Variants in ARHGAP42 observed in about 807,000 individuals in gnomAD.
ARHGAP42 encodes rho GTPase-activating protein 42.
In ARHGAP42, 63 loss-of-function variants were observed where a neutral mutation model predicts 125.0. The ratio of observed to expected loss-of-function variants is 0.50; its 90% CI spans 0.41 to 0.62. The LOEUF (loss-of-function observed/expected upper bound fraction) is 0.62. Among genes scored for constraint, ARHGAP42 ranks in the 20% least tolerant of loss-of-function variants. The pLI, the probability that ARHGAP42 is intolerant of heterozygous loss-of-function variation, is 0.00. For missense variants in ARHGAP42, 766 were observed against 1,024.2 expected, an observed-to-expected ratio of 0.75 and a Z score of 3.44; for synonymous variants, 339 against 351.0, an observed-to-expected ratio of 0.97 and a Z score of 0.38.
chr11:100,791,851 T>C (rs928831804), intron 2 of ARHGAP42, among the ~76,000 whole-genome samples: 2 of 152,218 alleles, frequency 1.3e-5, no homozygotes, highest in African/African-American at 4.8e-5. Context: ...ATTATCTTAC[T>C]AAATCTATAA....
intron 17 of ARHGAP42, among the ~76,000 whole-genome samples, chr11:100,970,710 C>G (rs373326382): frequency 2.6e-4 from 40 of 152,120 alleles, no homozygotes; most frequent in Admixed American, 5.2e-4. Flanking sequence ...GACTCTACCC[C>G]CTCTGGGTAA....
chr11:100,792,752 CTTT>C, intron 2 of ARHGAP42, among the ~76,000 whole-genome samples: 1 of 141,598 alleles, frequency 7.1e-6, no homozygotes, highest in Admixed American at 6.9e-5. Context: ...TTGGAATTTT[CTTT>C]TTTTTTTTTT....
At chr11:100,849,588 T>C (rs940555835) in intron 3 of ARHGAP42, among the ~76,000 whole-genome samples, 49 of 152,062 alleles carry the variant, frequency 3.2e-4, no homozygotes, top group Non-Finnish European at 5.9e-4. Context: ...TAATTTTTTT[T>C]TTGGTTTTAT....
intron 3 of ARHGAP42, among the ~76,000 whole-genome samples, chr11:100,850,318 A>C (rs1865172996): frequency 6.6e-6 from 1 of 152,236 alleles, no homozygotes; most frequent in East Asian, 1.9e-4. Flanking sequence ...AGATCTATAC[A>C]GGATATCACT....
At chr11:100,810,844 C>T (rs1591200257) in intron 3 of ARHGAP42, among the ~76,000 whole-genome samples, 2 of 152,142 alleles carry the variant, frequency 1.3e-5, no homozygotes, top group South Asian at 4.1e-4. Context: ...AAGTTTTAAG[C>T]TCCTTGAGAC....
chr11:100,688,240 G>C (rs1383688426), intron 1 of ARHGAP42, among the ~76,000 whole-genome samples: 1 of 152,118 alleles, frequency 6.6e-6, no homozygotes, highest in Non-Finnish European at 1.5e-5. Context: ...TAGTGATATT[G>C]AAAGAAAATT....
At chr11:100,891,439 CTTTTTTTTT>C (rs142290529) in intron 4 of ARHGAP42, among the ~76,000 whole-genome samples, 2 of 104,972 alleles carry the variant, frequency 1.9e-5, no homozygotes, top group Non-Finnish European at 3.7e-5. Flanking sequence ...AAAGCATCGA[CTTTTTTTTT>C]TTTTTTTTTT....
intron 3 of ARHGAP42, among the ~76,000 whole-genome samples, chr11:100,815,453 G>A (rs1394100146): frequency 6.6e-6 from 1 of 152,150 alleles, no homozygotes; most frequent in Non-Finnish European, 1.5e-5. Context: ...GCTCTATTCT[G>A]TATAACTTAC....
At chr11:100,888,363 C>G (rs1866143778) in intron 4 of ARHGAP42, among the ~76,000 whole-genome samples, 1 of 151,984 alleles carries the variant, frequency 6.6e-6, no homozygotes, top group African/African-American at 2.4e-5. Flanking sequence ...TTCAGAGTTT[C>G]ATTTTGGAGA....
intron 3 of ARHGAP42, chr11:100,839,727 C>G (rs1864898735): frequency 6.6e-6 from 1 of 152,182 alleles, no homozygotes; most frequent in Admixed American, 6.5e-5. Context: ...CCGTTCCATC[C>G]TCACTGCTCC....
rs1858873269 is a variant in ARHGAP42 at position 100,992,747 on chromosome 11, G to A, written c.*3946G>A. ...CAATAAATTGGATTTTTTATTTTTTGAGGGCAGCTGCCCTCACTGTTTTAA... is the reference window on the plus strand; with the variant it reads ...CAATAAATTGGATTTTTTATTTTTTAAGGGCAGCTGCCCTCACTGTTTTAA... On this transcript the variant is annotated 3_prime_UTR_variant, in exon 24 of 24. Transcript: ENST00000298815. The A allele has an allele frequency of 1.3e-6, 2 of 1,514,016 alleles. No homozygotes were observed. Among genetic ancestry groups the A allele is most frequent in the Non-Finnish European group, 1.8e-6 (2 of 1,129,966 alleles). The allele number at this position is 1,514,016 out of a possible 1,614,324, so 93.8% of individuals were successfully genotyped here. A position where few individuals can be genotyped will look rare whatever the true frequency, so the allele number is the denominator to read the frequency against.
chr11:100,902,767 G>A (rs1414447354), intron 4 of ARHGAP42, among the ~76,000 whole-genome samples: 2 of 152,190 alleles, frequency 1.3e-5, no homozygotes, highest in Non-Finnish European at 2.9e-5. Flanking sequence ...CTTCCATCAC[G>A]TCTAGACAAT....
At chr11:100,736,335 C>T (rs1862067251) in intron 1 of ARHGAP42, among the ~76,000 whole-genome samples, 1 of 152,136 alleles carries the variant, frequency 6.6e-6, no homozygotes, top group Non-Finnish European at 1.5e-5. Context: ...GGGGGCTTCC[C>T]GATGATCACT....
intron 1 of ARHGAP42, among the ~76,000 whole-genome samples, chr11:100,745,719 C>T (rs952909828): frequency 1.2e-4 from 18 of 152,276 alleles, no homozygotes; most frequent in Middle Eastern, 3.4e-3. Flanking sequence ...CTGCTAATAT[C>T]GTGTCTAAGG....
intron 4 of ARHGAP42, among the ~76,000 whole-genome samples, chr11:100,885,720 A>C (rs965807875): frequency 6.6e-6 from 1 of 152,228 alleles, no homozygotes; most frequent in Non-Finnish European, 1.5e-5. Flanking sequence ...TCTGGAAGCT[A>C]TAACTCCCAA....
intron 3 of ARHGAP42, among the ~76,000 whole-genome samples, chr11:100,827,159 C>T (rs12785970): frequency 0.048 from 7,350 of 151,964 alleles, 228 homozygotes; most frequent in Non-Finnish European, 0.072. Flanking sequence ...GCTGCCACCA[C>T]GCCCAACTAA....
At chr11:100,777,066 A>G (rs191884455) in intron 2 of ARHGAP42, among the ~76,000 whole-genome samples, 28 of 152,172 alleles carry the variant, frequency 1.8e-4, no homozygotes, top group Middle Eastern at 6.8e-3. Context: ...CGAATCGTAC[A>G]TGTACTGATT....
intron 1 of ARHGAP42, among the ~76,000 whole-genome samples, chr11:100,745,934 T>A (rs1004676709): frequency 6.6e-6 from 1 of 152,228 alleles, no homozygotes; most frequent in Admixed American, 6.5e-5. Context: ...TGATATGGTA[T>A]TCCCCATGGG....
At chr11:100,688,224 C>A (rs1861124258) in intron 1 of ARHGAP42, among the ~76,000 whole-genome samples, 1 of 151,820 alleles carries the variant, frequency 6.6e-6, no homozygotes, top group Non-Finnish European at 1.5e-5. Flanking sequence ...TAAAATTAGG[C>A]TAGTTTAGTG....
Sources: gnomAD v4.1 joint callset for allele counts (sites outside exome capture counted in the v4.1 genomes callset) on GRCh38, gnomAD v4.1.1 for gene constraint, MANE v1.5 for transcripts, NCBI Gene and HGNC (gene_info 2026-07-23, HGNC 2026-07-21) for gene names.